CSMD1: variants seen among roughly 807,000 people sequenced by gnomAD.
CSMD1 encodes the protein CUB and sushi domain-containing protein 1.
CSMD1 carries 213 observed loss-of-function variants against 417.5 expected under a neutral mutation model. The observed-to-expected ratio is 0.51, with a 90% CI of 0.46 to 0.57. CSMD1 has a LOEUF of 0.57. Ranked by LOEUF, CSMD1 falls within the 20% of genes least tolerant of loss-of-function variation. The pLI, the probability that CSMD1 is intolerant of heterozygous loss-of-function variation, is 0.00. For missense variants in CSMD1, 6,923 were observed against 4,529.7 expected (o/e 1.53, Z -15.17); for synonymous variants, 2,862 against 1,736.8 (o/e 1.65, Z -16.11).
intron 1 of CSMD1, among the ~76,000 whole-genome samples, chr8:4,827,984 A>G (rs532654337): frequency 6.6e-6 from 1 of 152,230 alleles, no homozygotes; most frequent in African/African-American, 2.4e-5. Context: ...TAACCATCAC[A>G]TAATAAACTT....
intron 23 of CSMD1, among the ~76,000 whole-genome samples, chr8:3,340,553 G>C (rs1807579987): frequency 6.6e-6 from 1 of 152,284 alleles, no homozygotes; most frequent in Middle Eastern, 3.4e-3. Context: ...ATAGCTGAAA[G>C]TGTCTTTACA....
chr8:4,667,115 C>G (rs1804987786), intron 1 of CSMD1, among the ~76,000 whole-genome samples: 1 of 152,056 alleles, frequency 6.6e-6, no homozygotes, highest in South Asian at 2.1e-4. Context: ...ACTATTTTTT[C>G]TCCATTGTGT....
At chr8:4,027,202 T>C (rs1041313285) in intron 4 of CSMD1, among the ~76,000 whole-genome samples, 2 of 152,170 alleles carry the variant, frequency 1.3e-5, no homozygotes, top group Non-Finnish European at 2.9e-5. Flanking sequence ...GGAAGCCCTG[T>C]TGAAGGTTTG....
At chr8:3,947,847 A>C (rs917738952) in intron 5 of CSMD1, among the ~76,000 whole-genome samples, 6 of 152,204 alleles carry the variant, frequency 3.9e-5, no homozygotes, top group African/African-American at 1.4e-4. Flanking sequence ...AACAGGGCTA[A>C]CAAAACCTCC....
At position 3,627,321 on chromosome 8, in the gene CSMD1, T is replaced by C. The variant is rs1796541837; in HGVS notation, c.1010-10524A>G. On this transcript the variant is annotated intron_variant, in intron 7 of 69. Coordinates refer to ENST00000635120, the MANE Select transcript of CSMD1 (RefSeq NM_033225.6). ...CTTGGGAGAAGTAAAATTTAACACGTGATGCTATAATACGTGCGTTAAGAC... is the reference window on the plus strand; with the variant it reads ...CTTGGGAGAAGTAAAATTTAACACGCGATGCTATAATACGTGCGTTAAGAC... Among the ~76,000 whole-genome samples the C allele has an allele frequency of 2.6e-5, 4 of 152,156 alleles. No individual in the cohort carries two copies. In the South Asian group the frequency reaches 8.3e-4, roughly 31 times the overall value.
chr8:4,015,354 A>T (rs1386583363), intron 4 of CSMD1, among the ~76,000 whole-genome samples: 1 of 152,180 alleles, frequency 6.6e-6, no homozygotes, highest in Non-Finnish European at 1.5e-5. Flanking sequence ...TGTCGTTCCT[A>T]GTTTTCCTGC....
Position 4,376,995 on chromosome 8 carries a change from GC to G in CSMD1, c.415+42957del, listed in dbSNP as rs951863347. 1.2e-3 allele frequency among the ~76,000 whole-genome samples: 188 copies of G among 152,328 alleles called. 2 individuals carry two copies. Among genetic ancestry groups the G allele is most frequent in the African/African-American group, 4.3e-3 (180 of 41,582 alleles). On this transcript the variant is annotated intron_variant, in intron 3 of 69. Transcript: ENST00000635120. ...TGAGCACCAGCATGGCAGAAGCTGT[GC>G]CCCGGGACACAGGTACAGTGGCAAG...
chr8:3,979,427 A>C (rs1813690140), intron 5 of CSMD1, among the ~76,000 whole-genome samples: 1 of 152,164 alleles, frequency 6.6e-6, no homozygotes, highest in Non-Finnish European at 1.5e-5. Flanking sequence ...GCTGCAGGAG[A>C]AGGCGTTGAT....
At chr8:4,962,197 T>TTAA (rs1554532940) in intron 1 of CSMD1, among the ~76,000 whole-genome samples, 33 of 121,288 alleles carry the variant, frequency 2.7e-4, no homozygotes, top group African/African-American at 6.7e-4. Flanking sequence ...GCTTTTTTTT[T>TTAA]AAAAAAAAAA....
At chr8:4,476,060 G>T (rs1459850626) in intron 2 of CSMD1, among the ~76,000 whole-genome samples, 1 of 151,962 alleles carries the variant, frequency 6.6e-6, no homozygotes, top group African/African-American at 2.4e-5. Context: ...GGTTAAGACA[G>T]TGTGATTTTT....
chr8:4,819,056 G>C (rs17071573), intron 1 of CSMD1, among the ~76,000 whole-genome samples: 7,828 of 152,146 alleles, frequency 0.051, 368 homozygotes, highest in East Asian at 0.24. Flanking sequence ...CAGAATACCT[G>C]GAAGAGCAGC....
chr8:3,640,294 G>T (rs12156144), intron 7 of CSMD1, among the ~76,000 whole-genome samples: 1 of 152,124 alleles, frequency 6.6e-6, no homozygotes. Flanking sequence ...GGAACATTTA[G>T]TCTCCAGGTT....
intron 45 of CSMD1, among the ~76,000 whole-genome samples, chr8:3,107,382 G>A (rs1323631332): frequency 6.6e-6 from 1 of 152,080 alleles, no homozygotes; most frequent in Non-Finnish European, 1.5e-5. Flanking sequence ...CCCCCTAACT[G>A]AAAGCAAATA....
At chr8:4,150,432 G>C (rs953094750) in intron 3 of CSMD1, among the ~76,000 whole-genome samples, 5 of 152,182 alleles carry the variant, frequency 3.3e-5, no homozygotes, top group East Asian at 1.9e-4. Context: ...GCAGGCTTTT[G>C]ACAACTTCAG....
At chr8:4,637,901 A>C (rs1461220972) in intron 1 of CSMD1, among the ~76,000 whole-genome samples, 2 of 150,978 alleles carry the variant, frequency 1.3e-5, no homozygotes, top group African/African-American at 4.9e-5. Context: ...CGATCTCCTG[A>C]CCTCATGATC....
chr8:3,985,242 C>A (rs1389495265), intron 5 of CSMD1, among the ~76,000 whole-genome samples: 1 of 152,094 alleles, frequency 6.6e-6, no homozygotes, highest in Non-Finnish European at 1.5e-5. Flanking sequence ...AAATTGAAGT[C>A]CCATTTCATG....
intron 2 of CSMD1, among the ~76,000 whole-genome samples, chr8:4,476,671 C>T (rs961151956): frequency 6.6e-6 from 1 of 152,114 alleles, no homozygotes; most frequent in Non-Finnish European, 1.5e-5. Flanking sequence ...AGGCTGTGGA[C>T]TCCCAGGTCA....
intron 3 of CSMD1, among the ~76,000 whole-genome samples, chr8:4,326,810 C>G (rs1585238464): frequency 6.6e-6 from 1 of 151,056 alleles, no homozygotes; most frequent in South Asian, 2.1e-4. Flanking sequence ...ACCAAGAAAA[C>G]TTTGGCTTTG....
At chr8:3,411,679 T>TAC (rs1489124796) in intron 12 of CSMD1, among the ~76,000 whole-genome samples, 3 of 68,826 alleles carry the variant, frequency 4.4e-5, no homozygotes, top group East Asian at 2.6e-4. Flanking sequence ...CGTGTATATA[T>TAC]ACGTGTATAT....
Sources: gnomAD v4.1 joint callset for allele counts (sites outside exome capture counted in the v4.1 genomes callset) on GRCh38, gnomAD v4.1.1 for gene constraint, MANE v1.5 for transcripts, NCBI Gene and HGNC (gene_info 2026-07-23, HGNC 2026-07-21) for gene names.